Variants in ZNF804A observed in about 807,000 individuals in gnomAD.
ZNF804A encodes zinc finger protein 804A.
A neutral mutation model predicts 16.5 loss-of-function variants in ZNF804A; 2 were observed. That is an observed-to-expected ratio of 0.12 (90% CI 0.05 to 0.38). ZNF804A has a LOEUF of 0.38. ZNF804A is among the 10% of genes least tolerant of loss of function. The probability of loss-of-function intolerance (pLI) is 0.99; values close to 1 mark genes in which losing one functional copy is unlikely to be tolerated. For synonymous variants in ZNF804A, 534 were observed against 489.6 expected (o/e 1.09, Z -1.20); for missense variants, 1,473 against 1,390.7 (o/e 1.06, Z -0.94).
chr2:184,734,815 C>G (rs770048802), intron 1 of ZNF804A, among the ~76,000 whole-genome samples: 18 of 152,138 alleles, frequency 1.2e-4, no homozygotes, highest in Non-Finnish European at 2.4e-4. Context: ...GCAATTCTAG[C>G]AGTTTTTTCC....
At chr2:184,844,076 T>C (rs1695477792) in intron 1 of ZNF804A, among the ~76,000 whole-genome samples, 1 of 152,098 alleles carries the variant, frequency 6.6e-6, no homozygotes, top group Non-Finnish European at 1.5e-5. Context: ...ATTTAGAGTT[T>C]ACAATGTACA....
intron 1 of ZNF804A, among the ~76,000 whole-genome samples, chr2:184,613,906 A>G (rs1010573618): frequency 1.3e-5 from 2 of 152,196 alleles, no homozygotes; most frequent in African/African-American, 4.8e-5. Flanking sequence ...GCTACCATTG[A>G]CTTTCTTCAC....
At chr2:184,926,616 T>G (rs1685616660) in intron 2 of ZNF804A, among the ~76,000 whole-genome samples, 1 of 152,112 alleles carries the variant, frequency 6.6e-6, no homozygotes, top group South Asian at 2.1e-4. Context: ...TTGCTTAAGA[T>G]CCTATTTAAG....
chr2:184,879,619 C>T (rs138223121), intron 2 of ZNF804A, among the ~76,000 whole-genome samples: 3,488 of 152,102 alleles, frequency 0.023, 49 homozygotes, highest in Middle Eastern at 0.044. Context: ...AAATCTTTTG[C>T]TGTTCAGCAG....
chr2:184,909,137 A>G (rs1275107807), intron 2 of ZNF804A, among the ~76,000 whole-genome samples: 1 of 152,104 alleles, frequency 6.6e-6, no homozygotes, highest in Non-Finnish European at 1.5e-5. Flanking sequence ...TCTCTGGACT[A>G]TTGTAATGTT....
chr2:184,667,310 G>A (rs1692269496), intron 1 of ZNF804A, among the ~76,000 whole-genome samples: 1 of 151,774 alleles, frequency 6.6e-6, no homozygotes, highest in South Asian at 2.1e-4. Context: ...TTAACTTTCA[G>A]TAACTTTATT....
At chr2:184,850,867 G>T (rs1240135092) in intron 1 of ZNF804A, among the ~76,000 whole-genome samples, 2 of 151,688 alleles carry the variant, frequency 1.3e-5, no homozygotes, top group African/African-American at 4.8e-5. Context: ...AGAAATGCAA[G>T]GATGTATGTG....
chr2:184,805,401 T>C (rs1694786283), intron 1 of ZNF804A, among the ~76,000 whole-genome samples: 1 of 152,088 alleles, frequency 6.6e-6, no homozygotes. Context: ...TGTCAGGTAT[T>C]TATGTCTAGA....
chr2:184,629,937 A>C (rs1380049727), intron 1 of ZNF804A, among the ~76,000 whole-genome samples: 1 of 152,158 alleles, frequency 6.6e-6, no homozygotes, highest in Admixed American at 6.5e-5. Context: ...AAACAGAACC[A>C]CAAAATCACC....
intron 1 of ZNF804A, among the ~76,000 whole-genome samples, chr2:184,619,519 A>G (rs1452693372): frequency 6.6e-6 from 1 of 152,054 alleles, no homozygotes; most frequent in Non-Finnish European, 1.5e-5. Flanking sequence ...AATAAAATTA[A>G]TGATATCCTT....
chr2:184,699,818 A>G (rs1323634277), intron 1 of ZNF804A, among the ~76,000 whole-genome samples: 8 of 152,094 alleles, frequency 5.3e-5, no homozygotes, highest in Non-Finnish European at 7.4e-5. Context: ...TTCTGTTGTT[A>G]TTATTGTTAT....
At chr2:184,606,441 C>G (rs72897732) in intron 1 of ZNF804A, among the ~76,000 whole-genome samples, 1 of 152,026 alleles carries the variant, frequency 6.6e-6, no homozygotes, top group Admixed American at 6.6e-5. Flanking sequence ...CCCCTATGAT[C>G]CAGTCACTTC....
At chr2:184,601,901 A>G (rs1691055410) in intron 1 of ZNF804A, among the ~76,000 whole-genome samples, 1 of 151,946 alleles carries the variant, frequency 6.6e-6, no homozygotes, top group Non-Finnish European at 1.5e-5. Context: ...AAATAATTTT[A>G]TAATCTTCAA....
At chr2:184,682,814 C>G (rs868535980) in intron 1 of ZNF804A, among the ~76,000 whole-genome samples, 85 of 152,114 alleles carry the variant, frequency 5.6e-4, no homozygotes, top group African/African-American at 2.0e-3. Context: ...CAAGACCAGC[C>G]TGGGAAACAT....
chr2:184,880,060 C>T (rs1204077137), intron 2 of ZNF804A, among the ~76,000 whole-genome samples: 1 of 152,006 alleles, frequency 6.6e-6, no homozygotes, highest in East Asian at 1.9e-4. Context: ...CCAACTACTT[C>T]AGCTGACACA....
chr2:184,912,982 CTGTA>C (rs1685386099), intron 2 of ZNF804A, among the ~76,000 whole-genome samples: 1 of 152,002 alleles, frequency 6.6e-6, no homozygotes, highest in African/African-American at 2.4e-5. Context: ...GCTTTTGGTG[CTGTA>C]TGTAAGAAAC....
At chr2:184,731,457 TTTTAACTTGGA>T (rs1436397442) in intron 1 of ZNF804A, among the ~76,000 whole-genome samples, 1 of 151,932 alleles carries the variant, frequency 6.6e-6, no homozygotes, top group Non-Finnish European at 1.5e-5. Flanking sequence ...TATAGCGTTG[TTTTAACTTGGA>T]TTTCCCCAGT....
intron 1 of ZNF804A, among the ~76,000 whole-genome samples, chr2:184,710,955 C>T (rs910463101): frequency 2.0e-5 from 3 of 151,752 alleles, no homozygotes; most frequent in African/African-American, 7.2e-5. Flanking sequence ...GTCAATAATG[C>T]TGCAATGAAA....
At chr2:184,783,149 T>TG (rs1558960340) in intron 1 of ZNF804A, among the ~76,000 whole-genome samples, 16 of 143,184 alleles carry the variant, frequency 1.1e-4, no homozygotes, top group Admixed American at 7.1e-5. Flanking sequence ...TTTTTTTTTT[T>TG]TTTTTTTTTT....
Sources: gnomAD v4.1 joint callset for allele counts (sites outside exome capture counted in the v4.1 genomes callset) on GRCh38, gnomAD v4.1.1 for gene constraint, MANE v1.5 for transcripts, NCBI Gene and HGNC (gene_info 2026-07-23, HGNC 2026-07-21) for gene names.